Variants in EBPL observed in about 807,000 individuals in gnomAD.
The protein encoded by EBPL is EBP like.
Under a neutral mutation model 19.0 loss-of-function variants are expected in EBPL, and 20 were observed. That is an observed-to-expected ratio of 1.05 (90% CI 0.74 to 1.53). The LOEUF (loss-of-function observed/expected upper bound fraction) is 1.53, where lower values mean the gene tolerates loss of function less well. Among genes scored for constraint, EBPL ranks in the 40% most tolerant of loss-of-function variants. The pLI is 0.00. For synonymous variants in EBPL, 107 were observed against 117.0 expected (o/e 0.91, Z 0.55); for missense variants, 219 against 261.1 (o/e 0.84, Z 1.11).
intron 1 of EBPL, among the ~76,000 whole-genome samples, chr13:49,690,540 C>G (rs1348268140): frequency 1.3e-5 from 2 of 151,642 alleles, no homozygotes; most frequent in Non-Finnish European, 2.9e-5. Flanking sequence ...ATGCCTTAAA[C>G]ACAACCTTCC....
At chr13:49,679,372 A>G (rs150068653) in intron 1 of EBPL, among the ~76,000 whole-genome samples, 2 of 152,306 alleles carry the variant, frequency 1.3e-5, no homozygotes, top group Non-Finnish European at 2.9e-5. Context: ...AGCACTGAGG[A>G]TCTAAGGATC....
chr13:49,690,407 G>A (rs1320420811), intron 1 of EBPL, among the ~76,000 whole-genome samples: 1 of 143,490 alleles, frequency 7.0e-6, no homozygotes, highest in Non-Finnish European at 1.5e-5. Context: ...AGTTAAACAA[G>A]GTCAACTTTA....
At chr13:49,686,461 G>A in intron 1 of EBPL, 1 of 1,283,528 alleles carries the variant, frequency 7.8e-7, no homozygotes, top group African/African-American at 1.5e-5. Context: ...CTTCCTGGTT[G>A]CCAGGTGCCT....
chr13:49,680,135 G>A (rs1241914913), intron 1 of EBPL, among the ~76,000 whole-genome samples: 1 of 152,090 alleles, frequency 6.6e-6, no homozygotes, highest in Non-Finnish European at 1.5e-5. Context: ...CAGTGGGCAT[G>A]AGCCATGAGT....
chr13:49,662,001 C>T, intron 3 of EBPL: 9 of 1,388,306 alleles, frequency 6.5e-6, no homozygotes, highest in African/African-American at 1.4e-5. Flanking sequence ...ATTTTTTCAT[C>T]CTTTTTTTTT....
rs933651747 is a variant in EBPL at position 49,663,074 on chromosome 13, G to C, written c.363C>G (p.Val121=). 2.1e-5 allele frequency: 34 copies of C among 1,613,886 alleles called. No homozygotes were observed. Among genetic ancestry groups the C allele is most frequent in the African/African-American group, 4.0e-5 (3 of 74,888 alleles). The change falls in exon 3 of 4, where the codon GTC becomes GTG. Residue 121 remains valine, a synonymous_variant. Transcript: ENST00000242827. The part of the protein sequence containing the change: ...SLALFLIYAI[V]KEKYYRHFLQ... ...GCACCTACCGGTAATATTTTTCTTTGACTATGGCATAAATGAGGAACAATG... is the reference window on the plus strand; with the variant it reads ...GCACCTACCGGTAATATTTTTCTTTCACTATGGCATAAATGAGGAACAATG...
intron 1 of EBPL, chr13:49,686,686 G>A: frequency 8.3e-7 from 1 of 1,211,714 alleles, no homozygotes; most frequent in Non-Finnish European, 1.1e-6. Flanking sequence ...GTCATACCTG[G>A]GGCTTCGTGC....
intron 1 of EBPL, among the ~76,000 whole-genome samples, chr13:49,678,043 G>A (rs1476224094): frequency 6.6e-6 from 1 of 152,180 alleles, no homozygotes; most frequent in Non-Finnish European, 1.5e-5. Flanking sequence ...GCCGGTTGCC[G>A]GGGCTGGCTT....
At chr13:49,681,340 G>A (rs1472809592) in intron 1 of EBPL, among the ~76,000 whole-genome samples, 1 of 152,152 alleles carries the variant, frequency 6.6e-6, no homozygotes, top group Non-Finnish European at 1.5e-5. Flanking sequence ...GCTCAGGCTG[G>A]AATGCAGTGG....
chr13:49,666,884 G>A (rs1965236906), intron 2 of EBPL, among the ~76,000 whole-genome samples: 1 of 106,634 alleles, frequency 9.4e-6, no homozygotes, highest in Non-Finnish European at 2.0e-5. Flanking sequence ...GCGAGACTCT[G>A]TTAAAAAAAA....
intron 1 of EBPL, among the ~76,000 whole-genome samples, chr13:49,678,416 G>C (rs940029317): frequency 6.6e-6 from 1 of 152,222 alleles, no homozygotes; most frequent in African/African-American, 2.4e-5. Flanking sequence ...GGTGGTGCCG[G>C]CTCGGGCATG....
intron 2 of EBPL, among the ~76,000 whole-genome samples, chr13:49,664,496 C>T (rs868799888): frequency 4.6e-5 from 7 of 152,276 alleles, no homozygotes; most frequent in South Asian, 4.1e-4. Context: ...CTCAGGAACA[C>T]CATGACTCAG....
At chr13:49,675,213 T>C (rs968619401) in intron 1 of EBPL, among the ~76,000 whole-genome samples, 1 of 152,244 alleles carries the variant, frequency 6.6e-6, no homozygotes, top group Admixed American at 6.5e-5. Context: ...AGCCTTTTGC[T>C]CCTGCGTTAC....
At chr13:49,688,685 C>T (rs1954026798) in intron 1 of EBPL, among the ~76,000 whole-genome samples, 1 of 143,330 alleles carries the variant, frequency 7.0e-6, no homozygotes, top group Admixed American at 7.3e-5. Context: ...CGCCACTGCA[C>T]TCCAGTCTGG....
At chr13:49,668,726 T>C (rs1227665929) in intron 2 of EBPL, among the ~76,000 whole-genome samples, 1 of 152,036 alleles carries the variant, frequency 6.6e-6, no homozygotes, top group Non-Finnish European at 1.5e-5. Context: ...TCAATGCTAA[T>C]TGAATATTGA....
intron 2 of EBPL, among the ~76,000 whole-genome samples, chr13:49,664,889 A>G (rs1348362579): frequency 6.6e-6 from 1 of 150,420 alleles, no homozygotes; most frequent in Non-Finnish European, 1.5e-5. Context: ...ATGTTCTGTG[A>G]GAGGCCACCG....
chr13:49,667,353 G>T (rs527439302), intron 2 of EBPL, among the ~76,000 whole-genome samples: 231 of 152,272 alleles, frequency 1.5e-3, no homozygotes, highest in African/African-American at 5.0e-3. Flanking sequence ...ACTAAGGGTC[G>T]GGGTAGATTT....
intron 2 of EBPL, chr13:49,668,608 T>A: frequency 2.4e-6 from 1 of 422,378 alleles, no homozygotes; most frequent in East Asian, 7.6e-5. Flanking sequence ...AGATAAATGA[T>A]GCAAAGTTTC....
intron 1 of EBPL, among the ~76,000 whole-genome samples, chr13:49,677,173 A>G (rs926246548): frequency 2.0e-4 from 31 of 152,296 alleles, no homozygotes; most frequent in African/African-American, 7.5e-4. Flanking sequence ...ATAGACCAAC[A>G]AACACTTGTC....
Sources: gnomAD v4.1 joint callset for allele counts (sites outside exome capture counted in the v4.1 genomes callset) on GRCh38, gnomAD v4.1.1 for gene constraint, MANE v1.5 for transcripts, NCBI Gene and HGNC (gene_info 2026-07-23, HGNC 2026-07-21) for gene names.